IRS1: variants seen among roughly 807,000 people sequenced by gnomAD.
IRS1 encodes the protein insulin receptor substrate 1.
Under a neutral mutation model 65.6 loss-of-function variants are expected in IRS1, and 34 were observed. The observed-to-expected ratio is 0.52, with a 90% CI of 0.39 to 0.69. IRS1 has a LOEUF of 0.69. Ranked by LOEUF, IRS1 falls within the 30% of genes least tolerant of loss-of-function variation. The pLI, the probability that IRS1 is intolerant of heterozygous loss-of-function variation, is 0.00. For synonymous variants in IRS1, 699 were observed against 683.5 expected, an observed-to-expected ratio of 1.02 and a Z score of -0.35; for missense variants, 1,641 against 1,720.2, an observed-to-expected ratio of 0.95 and a Z score of 0.81.
At chr2:226,793,327 A>T (rs1368225540) in intron 1 of IRS1, among the ~76,000 whole-genome samples, 2 of 152,222 alleles carry the variant, frequency 1.3e-5, no homozygotes, top group African/African-American at 4.8e-5. Flanking sequence ...TTTACCAATG[A>T]GGCACTTTAT....
At chr2:226,756,553 T>A (rs1464655006) in intron 1 of IRS1, among the ~76,000 whole-genome samples, 1 of 152,226 alleles carries the variant, frequency 6.6e-6, no homozygotes, top group Non-Finnish European at 1.5e-5. Flanking sequence ...AGATGACTTA[T>A]TGATCAATTA....
At chr2:226,788,388 G>C (rs555205881) in intron 1 of IRS1, among the ~76,000 whole-genome samples, 17 of 152,072 alleles carry the variant, frequency 1.1e-4, no homozygotes, top group African/African-American at 3.9e-4. Flanking sequence ...ACAGAAAAAG[G>C]GTCAAAAAGC....
rs1420307224 is a variant in IRS1, at chr2:226,794,557, T to C, written c.*21+432A>G. 1.3e-5 allele frequency among the ~76,000 whole-genome samples: 2 copies of C among 152,192 alleles called. No individual in the cohort carries two copies. Among genetic ancestry groups the C allele is most frequent in the East Asian group, 1.9e-4 (1 of 5,198 alleles). On this transcript the variant is annotated intron_variant, in intron 1 of 1. Transcript: ENST00000305123. The surrounding 1 kb of genome is among the most constrained non-coding windows in gnomAD (Gnocchi z 4.1). ...ATCACCCTTAAGGGCTCCCAGAAAC[T>C]ATTAAGATAGTTTAAGATAAGGAAG...
At chr2:226,790,783 CA>C (rs1939575978) in intron 1 of IRS1, among the ~76,000 whole-genome samples, 1 of 152,098 alleles carries the variant, frequency 6.6e-6, no homozygotes, top group South Asian at 2.1e-4. Context: ...TTAGAAAGGC[CA>C]AATCTGAACA....
rs141035631 is a variant in IRS1 at position 226,745,083 on chromosome 2, C to T, written c.*22-8833G>A. Among the ~76,000 whole-genome samples, 29 of 152,286 alleles carry T rather than the reference C, an allele frequency of 1.9e-4. No homozygotes were observed. The East Asian group carries it at 4.6e-3, about 24-fold the overall frequency. ...CTCATTTGCTTTACCTGAAGAATAT[C>T]TGTTATGGAAATGCAAGTCATAAAG... On this transcript the variant is annotated intron_variant, in intron 1 of 1. Transcript: ENST00000305123.
chr2:226,783,215 T>G (rs1194982980), intron 1 of IRS1, among the ~76,000 whole-genome samples: 1 of 152,196 alleles, frequency 6.6e-6, no homozygotes, highest in East Asian at 1.9e-4. Context: ...GATCTAACTC[T>G]TAAAAAGATG....
chr2:226,747,848 G>C (rs1457141178), intron 1 of IRS1, among the ~76,000 whole-genome samples: 1 of 152,078 alleles, frequency 6.6e-6, no homozygotes, highest in Non-Finnish European at 1.5e-5. Flanking sequence ...ATGTCTGCAG[G>C]TATTTCTGCT....
Position 226,736,030 on chromosome 2 carries a change from G to C in IRS1, c.*242C>G, listed in dbSNP as rs2106155972. On this transcript the variant is annotated 3_prime_UTR_variant, in exon 2 of 2. Coordinates refer to ENST00000305123, the MANE Select transcript of IRS1 (RefSeq NM_005544.3). ...AAGTTTATGCAGACTCATTATTCTG[G>C]TGTCACAGTGCATTTTTTTTTTTCG... 1 of 151,784 alleles carries C rather than the reference G, an allele frequency of 6.6e-6. No individual in the cohort carries two copies. Among genetic ancestry groups the C allele is most frequent in the African/African-American group, 2.5e-5 (1 of 40,750 alleles). The allele number at this position is 151,784 out of a possible 1,614,324, so 9.4% of individuals were successfully genotyped here. A position where few individuals can be genotyped will look rare whatever the true frequency, so the allele number is the denominator to read the frequency against.
chr2:226,799,383 CTGCT>C lies in IRS1; in HGVS notation c.-649_-646del, dbSNP rs1939842862. ...GTTGCTGTTGCTGCTGCTGCTGCTG[CTGCT>C]GCTGCCGCCGCCCGCGGGCGCGTCC... On this transcript the variant is annotated 5_prime_UTR_variant, in exon 1 of 2. The change abolishes the stop of an existing upstream ORF in the 5' untranslated region. Transcript: ENST00000305123. This position sits in a 1 kb window ranked among gnomAD's most constrained non-coding sequence, Gnocchi z 6.1. 7.9e-7 allele frequency: 1 copy of C among 1,270,024 alleles called. No homozygotes were observed. The highest frequency in any genetic ancestry group is 2.5e-5 in the Admixed American group (1 of 39,978). The allele number at this position is 1,270,024 out of a possible 1,614,324, so 78.7% of individuals were successfully genotyped here. A position where few individuals can be genotyped will look rare whatever the true frequency, so the allele number is the denominator to read the frequency against.
chr2:226,758,523 A>T (rs973330529), intron 1 of IRS1, among the ~76,000 whole-genome samples: 1 of 152,182 alleles, frequency 6.6e-6, no homozygotes, highest in Non-Finnish European at 1.5e-5. Flanking sequence ...CCTAAATATA[A>T]ATATTTAGAC....
intron 1 of IRS1, among the ~76,000 whole-genome samples, chr2:226,761,172 T>C (rs1320971233): frequency 6.6e-6 from 1 of 152,234 alleles, no homozygotes; most frequent in African/African-American, 2.4e-5. Flanking sequence ...ACCACCTAAG[T>C]AGCTGTGGGC....
At chr2:226,769,274 C>G (rs1280718463) in intron 1 of IRS1, among the ~76,000 whole-genome samples, 2 of 152,162 alleles carry the variant, frequency 1.3e-5, no homozygotes, top group Admixed American at 1.3e-4. Flanking sequence ...AAACTGAAGA[C>G]AACTAAGGCC....
intron 1 of IRS1, among the ~76,000 whole-genome samples, chr2:226,746,527 T>A (rs1324849018): frequency 1.3e-5 from 2 of 152,226 alleles, no homozygotes; most frequent in Middle Eastern, 3.4e-3. Flanking sequence ...TGCTTGCAGC[T>A]CTAAGGTCAC....
intron 1 of IRS1, among the ~76,000 whole-genome samples, chr2:226,790,865 G>A (rs1391877170): frequency 6.6e-6 from 1 of 152,090 alleles, no homozygotes; most frequent in African/African-American, 2.4e-5. Context: ...CACAAATCTA[G>A]CAAGCTTTCA....
rs747512782 is a variant in IRS1 at position 226,798,617 on chromosome 2, G to T, written c.122C>A (p.Pro41Gln). 6.2e-7 allele frequency: 1 copy of T among 1,613,124 alleles called. No homozygotes were observed. The highest frequency in any genetic ancestry group is 2.2e-5 in the East Asian group (1 of 44,852). The change falls in exon 1 of 2, where the codon CCG becomes CAG. Residue 41 changes from proline to glutamine, a missense_variant. Pro to Gln is a moderately conservative substitution (Grantham distance 76). This residue lies in a region of IRS1 where 240 missense variants were observed against 229.6 expected (regional missense o/e 1.05). Transcript: ENST00000305123. The surrounding 1 kb of genome is among the most constrained non-coding windows in gnomAD (Gnocchi z 9.4). ...GTTCTCGTAGTACTCGAGGCGCGCCGGGCCCCCAGCCTCGCTGGCCGCGCG... is the reference window on the plus strand; with the variant it reads ...GTTCTCGTAGTACTCGAGGCGCGCCTGGCCCCCAGCCTCGCTGGCCGCGCG... The part of the protein sequence containing the change: ...VLRAASEAGG[P>Q]ARLEYYENEK...
At chr2:226,792,217 G>T (rs1373632333) in intron 1 of IRS1, 5 of 152,154 alleles carry the variant, frequency 3.3e-5, no homozygotes, top group African/African-American at 1.2e-4. Flanking sequence ...AAAAGGCATG[G>T]CTGGGGTCTG....
intron 1 of IRS1, among the ~76,000 whole-genome samples, chr2:226,772,323 G>A (rs1574653613): frequency 6.6e-6 from 1 of 152,080 alleles, no homozygotes; most frequent in Non-Finnish European, 1.5e-5. Context: ...AAGACAGACT[G>A]GGGCAATATT....
rs1357212969 is a variant in IRS1 at position 226,794,191 on chromosome 2, A to G, written c.*21+798T>C. ...GAGATAACTATAAGGCAGACATCCT[A>G]GGATGAACTCCCATAACTCTTAATA... On this transcript the variant is annotated intron_variant, in intron 1 of 1. Coordinates refer to ENST00000305123, the MANE Select transcript of IRS1 (RefSeq NM_005544.3). This position sits in a 1 kb window ranked among gnomAD's most constrained non-coding sequence, Gnocchi z 4.1. Among the ~76,000 whole-genome samples the G allele has an allele frequency of 6.6e-6, 1 of 152,174 alleles. No individual in the cohort carries two copies. The highest frequency in any genetic ancestry group is 2.4e-5 in the African/African-American group (1 of 41,450).
In IRS1 at chr2:226,796,856, C is replaced by T; in HGVS notation, c.1883G>A (p.Gly628Asp). Residue 628 changes from glycine (G) to aspartate (D), a missense_variant, in exon 1 of 2, where the codon GGC (glycine) becomes GAC (aspartate). Physicochemically the swap from Gly to Asp is moderately conservative, Grantham distance 94. Transcript: ENST00000305123. ...GCTCATGGGCATATAGTCTCCACTG[C>T]CCTTTCGGCCACTGGGCACTGGGGC... ...GVAPVPSGRK[G>D]SGDYMPMSPK... 10 of 1,541,640 alleles carry T rather than the reference C, an allele frequency of 6.5e-6. No individual in the cohort carries two copies. The highest frequency in any genetic ancestry group is 8.8e-6 in the Non-Finnish European group (10 of 1,142,824).
Sources: allele counts gnomAD v4.1 joint callset (sites outside exome capture counted in the v4.1 genomes callset), GRCh38; gene constraint gnomAD v4.1.1; regional missense constraint gnomAD v4.1.1; non-coding constraint Gnocchi (gnomAD v3.1); transcripts MANE v1.5; gene names NCBI Gene and HGNC (gene_info 2026-07-23, HGNC 2026-07-21).